RFX3: variants seen among roughly 807,000 people sequenced by gnomAD.
RFX3 encodes the protein transcription factor RFX3.
Under a neutral mutation model 98.6 loss-of-function variants are expected in RFX3, and 14 were observed. The observed-to-expected ratio is 0.14, with a 90% CI of 0.09 to 0.22. RFX3 has a LOEUF of 0.22. RFX3 is among the 10% of genes least tolerant of loss of function. RFX3 has a pLI of 1.00. For missense variants in RFX3, 639 were observed against 926.9 expected (o/e 0.69, Z 4.03); for synonymous variants, 383 against 328.4 (o/e 1.17, Z -1.80).
rs190635174 is a variant in RFX3 at position 3,451,494 on chromosome 9, C to T, written c.-8-55898G>A. On this transcript the variant is annotated intron_variant, in intron 1 of 16. Coordinates refer to ENST00000617270, the MANE Select transcript of RFX3 (RefSeq NM_001282116.2). ...AGGAGGTCGAGGCGGCAGTGAGCTACGATTACGCCACTGCACTCCAGCCTG... is the reference window on the plus strand; with the variant it reads ...AGGAGGTCGAGGCGGCAGTGAGCTATGATTACGCCACTGCACTCCAGCCTG... Among the ~76,000 whole-genome samples the T allele has an allele frequency of 4.9e-4, 74 of 152,198 alleles. 1 individual carries two copies. In the East Asian group the frequency reaches 0.012, roughly 25 times the overall value.
intron 3 of RFX3, among the ~76,000 whole-genome samples, chr9:3,336,952 C>T (rs1160554288): frequency 6.6e-6 from 1 of 151,900 alleles, no homozygotes; most frequent in Non-Finnish European, 1.5e-5. Context: ...GTGTACTTAC[C>T]AGAGTATGAA....
At chr9:3,464,038 A>G (rs1847968572) in intron 1 of RFX3, among the ~76,000 whole-genome samples, 1 of 152,204 alleles carries the variant, frequency 6.6e-6, no homozygotes, top group African/African-American at 2.4e-5. Flanking sequence ...ACATGAAAAA[A>G]TGTTCAAAAA....
chr9:3,341,915 C>T (rs1833931181), intron 3 of RFX3, among the ~76,000 whole-genome samples: 1 of 152,156 alleles, frequency 6.6e-6, no homozygotes, highest in South Asian at 2.1e-4. Context: ...CTTAAGGAGA[C>T]AGCATTTGAA....
chr9:3,316,567 G>A (rs994492125), intron 4 of RFX3, among the ~76,000 whole-genome samples: 6 of 152,170 alleles, frequency 3.9e-5, no homozygotes, highest in Non-Finnish European at 7.3e-5. Context: ...ATTCAATTAG[G>A]AAAAGAGGAA....
At chr9:3,522,335 G>T (rs1818801206) in intron 1 of RFX3, among the ~76,000 whole-genome samples, 1 of 152,124 alleles carries the variant, frequency 6.6e-6, no homozygotes, top group Non-Finnish European at 1.5e-5. Context: ...ATACCAAAGA[G>T]TTAAAGGCAA....
At chr9:3,487,754 C>G (rs1240646418) in intron 1 of RFX3, among the ~76,000 whole-genome samples, 1 of 151,954 alleles carries the variant, frequency 6.6e-6, no homozygotes, top group Non-Finnish European at 1.5e-5. Flanking sequence ...TCCAATTATC[C>G]CTCCAAAGGT....
At chr9:3,288,693 T>C (rs776289822) in intron 6 of RFX3, among the ~76,000 whole-genome samples, 25 of 152,004 alleles carry the variant, frequency 1.6e-4, no homozygotes, top group Admixed American at 8.5e-4. Flanking sequence ...AAAGAAAAAA[T>C]CTTAATTCTA....
At chr9:3,404,357 A>G (rs1361183844) in intron 1 of RFX3, among the ~76,000 whole-genome samples, 3 of 152,208 alleles carry the variant, frequency 2.0e-5, no homozygotes, top group Non-Finnish European at 4.4e-5. Context: ...TAAAGACTAT[A>G]GCCAATACTG....
intron 2 of RFX3, among the ~76,000 whole-genome samples, chr9:3,385,514 C>G (rs1454780904): frequency 6.6e-6 from 1 of 151,700 alleles, no homozygotes; most frequent in Non-Finnish European, 1.5e-5. Context: ...TCAAGACTAG[C>G]CTGGCCAACA....
intron 15 of RFX3, among the ~76,000 whole-genome samples, chr9:3,232,795 AG>A (rs1384714863): frequency 6.9e-6 from 1 of 143,896 alleles, no homozygotes; most frequent in African/African-American, 2.5e-5. Context: ...AGAGAGAGAG[AG>A]AGAGAAATGG....
At chr9:3,376,290 G>A (rs973169922) in intron 2 of RFX3, among the ~76,000 whole-genome samples, 1 of 152,058 alleles carries the variant, frequency 6.6e-6, no homozygotes, top group South Asian at 2.1e-4. Flanking sequence ...TTCTTATACG[G>A]TTCAACAAAC....
At chr9:3,443,816 C>T (rs1055851046) in intron 1 of RFX3, among the ~76,000 whole-genome samples, 1 of 152,116 alleles carries the variant, frequency 6.6e-6, no homozygotes, top group African/African-American at 2.4e-5. Flanking sequence ...ATTTACACTC[C>T]CACCAACGAT....
chr9:3,366,553 T>C (rs1422825970), intron 2 of RFX3, among the ~76,000 whole-genome samples: 11 of 152,216 alleles, frequency 7.2e-5, no homozygotes, highest in Non-Finnish European at 1.5e-5. Context: ...TTGATTACCA[T>C]AACTGTATAG....
chr9:3,382,491 C>T (rs1468309147), intron 2 of RFX3, among the ~76,000 whole-genome samples: 1 of 152,146 alleles, frequency 6.6e-6, no homozygotes, highest in East Asian at 1.9e-4. Flanking sequence ...GGATATATAT[C>T]CTACTAATTA....
At chr9:3,284,455 T>G (rs1298622029) in intron 7 of RFX3, among the ~76,000 whole-genome samples, 6 of 151,728 alleles carry the variant, frequency 4.0e-5, no homozygotes, top group African/African-American at 1.4e-4. Context: ...TATTTTCATA[T>G]GAAGTATTTT....
Position 3,224,386 on chromosome 9 carries a change from T to C in RFX3, c.*656A>G, listed in dbSNP as rs1318352936. 1 of 152,238 alleles carries C rather than the reference T, an allele frequency of 6.6e-6. No individual in the cohort carries two copies. Among genetic ancestry groups the C allele is most frequent in the African/African-American group, 2.4e-5 (1 of 41,454 alleles). 9.4% of individuals were successfully genotyped at this position (152,238 alleles called of 1,614,324 possible). A position where few individuals can be genotyped will look rare whatever the true frequency, so the allele number is the denominator to read the frequency against. On this transcript the variant is annotated 3_prime_UTR_variant, in exon 17 of 17. Transcript: ENST00000617270. ...ATTATGTACACAAATTATGTACATA[T>C]TAGCATAATCTCTTGCAATTCTGTC... is the stretch of plus-strand genomic sequence containing the variant.
At chr9:3,515,366 C>T (rs570104703) in intron 1 of RFX3, among the ~76,000 whole-genome samples, 2 of 152,128 alleles carry the variant, frequency 1.3e-5, no homozygotes, top group South Asian at 4.1e-4. Context: ...AACAGAATGC[C>T]CGTCTTCACA....
chr9:3,401,798 ACAGC>A (rs1318336721), intron 1 of RFX3, among the ~76,000 whole-genome samples: 1 of 152,156 alleles, frequency 6.6e-6, no homozygotes, highest in Non-Finnish European at 1.5e-5. Flanking sequence ...TCTTCTTTGT[ACAGC>A]CAGCTCTGGC....
At position 3,236,031 on chromosome 9, in the gene RFX3, A is replaced by G. The variant is rs540533706; in HGVS notation, c.1969-7142T>C. On this transcript the variant is annotated intron_variant, in intron 15 of 16. Transcript: ENST00000617270. ...GACTTTTTTTTTCTAGTATTGGAGG[A>G]AACACATCCAACCCGATTAAGCTAT... 3.3e-5 allele frequency among the ~76,000 whole-genome samples: 5 copies of G among 152,206 alleles called. No homozygotes were observed. In the South Asian group the frequency reaches 1.0e-3, roughly 32 times the overall value.
Sources: allele counts gnomAD v4.1 joint callset (sites outside exome capture counted in the v4.1 genomes callset), GRCh38; gene constraint gnomAD v4.1.1; transcripts MANE v1.5; gene names NCBI Gene and HGNC (gene_info 2026-07-23, HGNC 2026-07-21).